PODXL2: variants seen among roughly 807,000 people sequenced by gnomAD.
PODXL2 encodes podocalyxin-like protein 2.
PODXL2 carries 17 observed loss-of-function variants against 53.4 expected under a neutral mutation model. The observed-to-expected ratio is 0.32, with a 90% confidence interval of 0.22 to 0.48. PODXL2 has a LOEUF of 0.48. PODXL2 is among the 20% of genes least tolerant of loss of function. PODXL2 has a pLI of 0.99. For missense variants in PODXL2, 673 were observed against 760.0 expected (o/e 0.89, Z 1.35); for synonymous variants, 311 against 306.7 (o/e 1.01, Z -0.15).
At chr3:127,635,742 A>C (rs1045539105) in intron 1 of PODXL2, among the ~76,000 whole-genome samples, 1 of 152,240 alleles carries the variant, frequency 6.6e-6, no homozygotes, top group Non-Finnish European at 1.5e-5. Context: ...CCTCATGGTG[A>C]TTCCATGCTG....
intron 2 of PODXL2, among the ~76,000 whole-genome samples, chr3:127,649,583 AT>A (rs1315433754): frequency 6.6e-6 from 1 of 152,166 alleles, no homozygotes; most frequent in African/African-American, 2.4e-5. Flanking sequence ...TAGTCCAAAG[AT>A]TTTGGCATTT....
intron 2 of PODXL2, among the ~76,000 whole-genome samples, chr3:127,639,935 T>C (rs1248967487): frequency 1.3e-5 from 2 of 152,234 alleles, no homozygotes; most frequent in Non-Finnish European, 2.9e-5. Flanking sequence ...ATTGTTTTGT[T>C]TTTCCCTACT....
At chr3:127,671,094 C>G (rs1421550338) in intron 6 of PODXL2, among the ~76,000 whole-genome samples, 1 of 152,156 alleles carries the variant, frequency 6.6e-6, no homozygotes, top group African/African-American at 2.4e-5. Flanking sequence ...GGTGTGGGCA[C>G]TCTCTCTAGT....
chr3:127,668,340 C>A, intron 4 of PODXL2, 101 bp from the exon 5 acceptor site: 1 of 1,096,950 alleles, frequency 9.1e-7, no homozygotes, highest in South Asian at 2.9e-5. Flanking sequence ...CTTGGAACAG[C>A]CAGAGGGTTG....
At position 127,649,081 on chromosome 3, in the gene PODXL2, T is replaced by C. The variant is rs543969069; in HGVS notation, c.349+9558T>C. ...TGCTGGGATTACAGGCATGAGCCAT[T>C]GCACCCAGCTCTTTCCAGACTTTTT... is the stretch of plus-strand genomic sequence containing the variant. On this transcript the variant is annotated intron_variant, in intron 2 of 7. Coordinates refer to ENST00000342480, the MANE Select transcript of PODXL2 (RefSeq NM_015720.4). 2.0e-5 allele frequency among the ~76,000 whole-genome samples: 3 copies of C among 152,174 alleles called. No homozygotes were observed. In the South Asian group the frequency reaches 6.2e-4, roughly 32 times the overall value.
intron 4 of PODXL2, among the ~76,000 whole-genome samples, chr3:127,668,232 C>T (rs1008863091): frequency 9.9e-5 from 15 of 152,172 alleles, no homozygotes; most frequent in Non-Finnish European, 1.9e-4. Flanking sequence ...GGAAGGAGCA[C>T]CTGGTGTAAG....
intron 1 of PODXL2, among the ~76,000 whole-genome samples, chr3:127,632,958 A>T (rs1480590107): frequency 2.6e-5 from 4 of 152,252 alleles, no homozygotes; most frequent in Non-Finnish European, 5.9e-5. Context: ...GATTGGCAGT[A>T]CTACATGATT....
At chr3:127,645,502 G>A in intron 2 of PODXL2, among the ~76,000 whole-genome samples, 1 of 152,230 alleles carries the variant, frequency 6.6e-6, no homozygotes, top group East Asian at 1.9e-4. Context: ...TATGCTGGTG[G>A]TGCCCTGTCC....
At chr3:127,664,590 C>G (rs1056941596) in intron 4 of PODXL2, among the ~76,000 whole-genome samples, 8 of 152,270 alleles carry the variant, frequency 5.3e-5, no homozygotes, top group African/African-American at 1.9e-4. Flanking sequence ...CTGTTTTTCG[C>G]TATGAGTATA....
intron 2 of PODXL2, among the ~76,000 whole-genome samples, chr3:127,655,568 C>T (rs901953087): frequency 6.6e-6 from 1 of 152,146 alleles, no homozygotes; most frequent in Non-Finnish European, 1.5e-5. Context: ...TTTTATTTTA[C>T]ACTTAAGGAA....
intron 2 of PODXL2, among the ~76,000 whole-genome samples, chr3:127,655,592 G>A (rs2074719387): frequency 6.6e-6 from 1 of 152,164 alleles, no homozygotes; most frequent in African/African-American, 2.4e-5. Context: ...GAGACACATG[G>A]AGGTTAAGCA....
chr3:127,656,830 A>G (rs1576432365), intron 2 of PODXL2, among the ~76,000 whole-genome samples: 1 of 149,952 alleles, frequency 6.7e-6, no homozygotes, highest in East Asian at 2.0e-4. Context: ...GAATTGCTTG[A>G]GCTCAGGAGT....
At chr3:127,637,813 C>G (rs748115747) in intron 1 of PODXL2, among the ~76,000 whole-genome samples, 16 of 152,220 alleles carry the variant, frequency 1.1e-4, no homozygotes, top group Non-Finnish European at 1.8e-4. Flanking sequence ...CACAGACTCC[C>G]TCATACGGAG....
intron 7 of PODXL2, 25 bp downstream of exon 7, chr3:127,671,638 G>A (rs2074840721): frequency 6.2e-7 from 1 of 1,605,542 alleles, no homozygotes; most frequent in Admixed American, 1.7e-5. Flanking sequence ...AGGTGGGGCT[G>A]GGGGCCAGTT....
Position 127,629,712 on chromosome 3 carries a change from C to A in PODXL2, c.70+423C>A, listed in dbSNP as rs2074530203. Among the ~76,000 whole-genome samples, 1 of 152,014 alleles carries A rather than the reference C, an allele frequency of 6.6e-6. No homozygotes were observed. Among genetic ancestry groups the A allele is most frequent in the Admixed American group, 6.5e-5 (1 of 15,274 alleles). On this transcript the variant is annotated intron_variant, in intron 1 of 7. Coordinates refer to ENST00000342480, the MANE Select transcript of PODXL2 (RefSeq NM_015720.4). The surrounding 1 kb of genome is among the most constrained non-coding windows in gnomAD (Gnocchi z 6.4). ...GTGTGACAGCCACGCGGGGAGGAGGCCGCATTGTGAAGGTCCCAGGGGCCG... is the reference window on the plus strand; with the variant it reads ...GTGTGACAGCCACGCGGGGAGGAGGACGCATTGTGAAGGTCCCAGGGGCCG...
In PODXL2 at chr3:127,662,225, C is replaced by T. The variant is rs761541094; in HGVS notation, c.1132-12C>T. 3.1e-6 allele frequency: 5 copies of T among 1,611,442 alleles called. No homozygotes were observed. The Admixed American group carries it at 8.3e-5, about 27-fold the overall frequency. On this transcript the variant is annotated splice_polypyrimidine_tract_variant and intron_variant, in intron 3 of 7. Transcript: ENST00000342480. ...TCGTAACTGTCGCCCTTCTTTCTGT[C>T]TCCTCGCACAGGTGATCTGCAAGGA...
At chr3:127,668,994 G>T in intron 5 of PODXL2, 147 bp from the exon 6 acceptor site, 1 of 594,118 alleles carries the variant, frequency 1.7e-6, no homozygotes, top group South Asian at 2.1e-5. Context: ...GAGAGGGGGA[G>T]GCATGTGCCT....
chr3:127,639,016 G>T (rs1042173825), intron 1 of PODXL2, among the ~76,000 whole-genome samples: 1 of 152,196 alleles, frequency 6.6e-6, no homozygotes, highest in Admixed American at 6.5e-5. Flanking sequence ...TCCCCTGCCT[G>T]TCTCCATCTG....
chr3:127,667,850 T>A (rs1313833986), intron 4 of PODXL2, among the ~76,000 whole-genome samples: 1 of 152,124 alleles, frequency 6.6e-6, no homozygotes, highest in Non-Finnish European at 1.5e-5. Context: ...ACAGATGGCT[T>A]CCCCACTCAA....
Sources: gnomAD v4.1 joint callset for allele counts (sites outside exome capture counted in the v4.1 genomes callset) on GRCh38, gnomAD v4.1.1 for gene constraint, Gnocchi (gnomAD v3.1) non-coding constraint, MANE v1.5 for transcripts, NCBI Gene and HGNC (gene_info 2026-07-23, HGNC 2026-07-21) for gene names.